COPS8: variants seen among roughly 807,000 people sequenced by gnomAD.
COPS8 encodes COP9 signalosome complex subunit 8.
COPS8 carries 11 observed loss-of-function variants against 31.5 expected under a neutral mutation model. The observed-to-expected ratio is 0.35, with a 90% confidence interval of 0.22 to 0.58. COPS8 has a LOEUF of 0.58. Among genes scored for constraint, COPS8 ranks in the 20% least tolerant of loss-of-function variants. The pLI is 0.83. For synonymous variants in COPS8, 81 were observed against 89.3 expected, an observed-to-expected ratio of 0.91 and a Z score of 0.52; for missense variants, 215 against 255.1, an observed-to-expected ratio of 0.84 and a Z score of 1.07.
At chr2:237,097,086 G>T (rs535196217) in intron 7 of COPS8, among the ~76,000 whole-genome samples, 1 of 152,318 alleles carries the variant, frequency 6.6e-6, no homozygotes, top group Admixed American at 6.5e-5. Context: ...TGGGCCAGCT[G>T]CAGAGCCTTC....
chr2:237,092,723 G>A (rs1202013402), intron 4 of COPS8, among the ~76,000 whole-genome samples: 2 of 152,180 alleles, frequency 1.3e-5, no homozygotes, highest in Admixed American at 1.3e-4. Context: ...AGCCACAGAA[G>A]GAAGAGCAGA....
Position 237,088,753 on chromosome 2 carries a change from A to G in COPS8, c.198+100A>G, listed in dbSNP as rs982988215. On this transcript the variant is annotated intron_variant, in intron 3 of 7. Coordinates refer to ENST00000354371, the MANE Select transcript of COPS8 (RefSeq NM_006710.5). ...ATGTTTTCTATCTGACGTCCTAGTA[A>G]TAGTCATCAGATTGGTATTAAGGAT... The G allele has an allele frequency of 1.1e-4, 78 of 702,760 alleles. 1 individual carries two copies. The African/African-American group carries it at 1.1e-3, about 10-fold the overall frequency. 43.5% of individuals were successfully genotyped at this position (702,760 alleles called of 1,614,324 possible).
rs1461737745 is a variant in COPS8, at chr2:237,095,914, C to T, written c.502+30C>T. The T allele has an allele frequency of 2.0e-6, 3 of 1,497,740 alleles. No individual in the cohort carries two copies. The African/African-American group carries it at 4.1e-5, about 21-fold the overall frequency. 92.8% of individuals were successfully genotyped at this position (1,497,740 alleles called of 1,614,324 possible). A position where few individuals can be genotyped will look rare whatever the true frequency, so the allele number is the denominator to read the frequency against. On this transcript the variant is annotated intron_variant, in intron 6 of 7. Transcript: ENST00000354371. ...GTGGAGCTTTCACCCATTTACGCAG[C>T]ACTGGACTCTTCTAAGACTGCTTCA...
chr2:237,096,242 C>T (rs191473368), intron 6 of COPS8, among the ~76,000 whole-genome samples: 12 of 152,258 alleles, frequency 7.9e-5, no homozygotes, highest in Non-Finnish European at 1.0e-4. Context: ...AACTGCCCCC[C>T]TTTTCTGTTT....
intron 6 of COPS8, 54 bp from the exon 7 acceptor site, chr2:237,096,768 G>T (rs1696808047): frequency 1.4e-6 from 2 of 1,383,076 alleles, no homozygotes; most frequent in Admixed American, 1.8e-5. Context: ...TTCTATGAAA[G>T]ATCTTTACAA....
chr2:237,094,932 C>T (rs1201205424), intron 5 of COPS8, among the ~76,000 whole-genome samples: 2 of 152,174 alleles, frequency 1.3e-5, no homozygotes, highest in African/African-American at 4.8e-5. Flanking sequence ...TGCCACTGCA[C>T]TCTAGCCTGG....
chr2:237,086,978 C>T (rs1696628367), intron 1 of COPS8, 149 bp from the exon 2 acceptor site: 1 of 567,236 alleles, frequency 1.8e-6, no homozygotes, highest in Admixed American at 3.6e-5. Flanking sequence ...TATAATAGGA[C>T]TATAAGATTA....
chr2:237,092,496 C>G (rs77324374), intron 4 of COPS8, among the ~76,000 whole-genome samples: 1,767 of 152,096 alleles, frequency 0.012, 31 homozygotes, highest in African/African-American at 0.035. Context: ...TTTTGAAATA[C>G]AGTTGACTTA....
At chr2:237,094,322 A>T in intron 5 of COPS8, 125 bp downstream of exon 5, 2 of 882,176 alleles carry the variant, frequency 2.3e-6, no homozygotes, top group Non-Finnish European at 3.4e-6. Flanking sequence ...GTGTTTTTTG[A>T]GAGGTGATAT....
At position 237,095,873 on chromosome 2, in the gene COPS8, C is replaced by T; in HGVS notation, c.491C>T (p.Pro164Leu). 3 of 1,612,364 alleles carry T rather than the reference C, an allele frequency of 1.9e-6. No homozygotes were observed. The highest frequency in any genetic ancestry group is 2.5e-6 in the Non-Finnish European group (3 of 1,178,502). ...QADSTTRMVL[P>L]RKPVAGALDV... is the part of the protein sequence containing the mutation. ...GATTCCACCACAAGAATGGTTCTGC[C>T]CAGAAAGCCAGGTAGGTGGAGCTTT... The change falls in exon 6 of 8, where the codon CCC becomes CTC. Residue 164 changes from proline to leucine, a missense_variant. Transcript: ENST00000354371.
At chr2:237,090,286 T>C (rs1696683667) in intron 4 of COPS8, among the ~76,000 whole-genome samples, 1 of 152,194 alleles carries the variant, frequency 6.6e-6, no homozygotes, top group South Asian at 2.1e-4. Context: ...TTCTAATAAG[T>C]TTAAGGTATG....
At chr2:237,087,440 A>G (rs1696639595) in intron 2 of COPS8, 1 of 508,026 alleles carries the variant, frequency 2.0e-6, no homozygotes, top group Non-Finnish European at 3.6e-6. Context: ...CAGTAAATTC[A>G]TTTAACCTTT....
intron 4 of COPS8, 170 bp from the exon 5 acceptor site, chr2:237,093,920 C>T (rs1044173089): frequency 2.4e-6 from 3 of 1,259,408 alleles, no homozygotes; most frequent in South Asian, 3.2e-5. Flanking sequence ...AATATTTGAA[C>T]CCCCCGTACA....
chr2:237,088,026 C>T (rs1046222700), intron 2 of COPS8, among the ~76,000 whole-genome samples: 7 of 149,504 alleles, frequency 4.7e-5, no homozygotes, highest in South Asian at 2.1e-4. Flanking sequence ...ATTTTAAACT[C>T]TTCCAAAACC....
chr2:237,094,308 G>C, intron 5 of COPS8, 111 bp downstream of exon 5: 1 of 1,057,412 alleles, frequency 9.5e-7, no homozygotes, highest in Non-Finnish European at 1.4e-6. Flanking sequence ...TTGGAGTCCA[G>C]GCTGTGTTTT....
chr2:237,091,608 A>G (rs1209401062), intron 4 of COPS8, among the ~76,000 whole-genome samples: 1 of 152,256 alleles, frequency 6.6e-6, no homozygotes, highest in East Asian at 1.9e-4. Context: ...GTTGAGAACA[A>G]TCACTTTCTT....
chr2:237,089,944 A>C lies in COPS8; in HGVS notation c.281A>C (p.Asn94Thr). The change falls in exon 4 of 8, where the codon AAC (asparagine) becomes ACC (threonine). Residue 94 changes from asparagine to threonine, a missense_variant. By Grantham distance (65) the Asn-to-Thr change is moderately conservative. Coordinates refer to ENST00000354371, the MANE Select transcript of COPS8 (RefSeq NM_006710.5). Reference protein sequence around the residue: ...RDFPGIYTTINAHQWSETVQP... With the variant: ...RDFPGIYTTITAHQWSETVQP... The stretch of plus-strand genomic sequence containing the variant: ...TTCCCTGGGATCTATACAACCATCA[A>C]CGCTCACCAGTGGTCTGAGACGGTC... 2 of 1,614,046 alleles carry C rather than the reference A, an allele frequency of 1.2e-6. No individual in the cohort carries two copies. Among genetic ancestry groups the C allele is most frequent in the Non-Finnish European group, 1.7e-6 (2 of 1,179,982 alleles).
intron 4 of COPS8, among the ~76,000 whole-genome samples, chr2:237,092,792 GTGTC>G (rs1696729678): frequency 1.3e-5 from 2 of 152,164 alleles, no homozygotes; most frequent in Non-Finnish European, 1.5e-5. Context: ...AGGGATGGGA[GTGTC>G]GGCAGTTTTT....
chr2:237,086,192 C>T, intron 1 of COPS8, 150 bp downstream of exon 1: 1 of 747,892 alleles, frequency 1.3e-6, no homozygotes, highest in Non-Finnish European at 2.3e-6. Context: ...CCCTGACCGC[C>T]GCAACCTGCT....
Sources: allele counts gnomAD v4.1 joint callset (sites outside exome capture counted in the v4.1 genomes callset), GRCh38; gene constraint gnomAD v4.1.1; transcripts MANE v1.5; gene names NCBI Gene and HGNC (gene_info 2026-07-23, HGNC 2026-07-21).